Variants in C3orf33 observed in about 807,000 individuals in gnomAD.
The protein encoded by C3orf33 is mitochondrial inner membrane subdomain organizer 1.
Under a neutral mutation model 28.7 loss-of-function variants are expected in C3orf33, and 23 were observed. That is an observed-to-expected ratio of 0.80 (90% confidence interval 0.58 to 1.13). The LOEUF (loss-of-function observed/expected upper bound fraction) is 1.13. Ranked by LOEUF, C3orf33 falls within the 50% of genes most tolerant of loss-of-function variation. The probability of loss-of-function intolerance (pLI) is 0.00; values close to 1 mark genes in which losing one functional copy is unlikely to be tolerated. For missense variants in C3orf33, 327 were observed against 353.4 expected, an observed-to-expected ratio of 0.93 and a Z score of 0.60; for synonymous variants, 119 against 120.5, an observed-to-expected ratio of 0.99 and a Z score of 0.08.
chr3:155,787,166 A>T (rs1476934562), intron 2 of C3orf33, among the ~76,000 whole-genome samples: 1 of 152,108 alleles, frequency 6.6e-6, no homozygotes, highest in Admixed American at 6.6e-5. Flanking sequence ...TTGACGAAGA[A>T]ATTCTCTACT....
In C3orf33 at chr3:155,801,860, C is replaced by T. The variant is rs181625908; in HGVS notation, c.174+672G>A. 5.3e-3 allele frequency among the ~76,000 whole-genome samples: 802 copies of T among 152,254 alleles called. 7 individuals are homozygous for T. The highest frequency in any genetic ancestry group is 0.018 in the African/African-American group (741 of 41,544). On this transcript the variant is annotated intron_variant, in intron 2 of 4. Transcript: ENST00000340171. ...CTGCCTCCCAGGTTCAAGTGATTCT[C>T]GTGCCTCAGCCTCCTGAGTAGCTGG...
chr3:155,778,141 CAAAAA>C (rs55700532), intron 2 of C3orf33, among the ~76,000 whole-genome samples: 1 of 75,788 alleles, frequency 1.3e-5, no homozygotes, highest in Admixed American at 2.0e-4. Flanking sequence ...AACTCCATTT[CAAAAA>C]AAAAAAAAAA....
intron 2 of C3orf33, among the ~76,000 whole-genome samples, chr3:155,790,148 A>T (rs1751266006): frequency 7.7e-6 from 1 of 130,340 alleles, no homozygotes; most frequent in South Asian, 2.9e-4. Flanking sequence ...TGGGTGACAG[A>T]GTGAAACTCT....
Position 155,767,631 on chromosome 3 carries a change from C to T in C3orf33, c.361G>A (p.Val121Ile), listed in dbSNP as rs770312301. The T allele has an allele frequency of 6.3e-7, 1 of 1,580,208 alleles. No individual in the cohort carries two copies. Among genetic ancestry groups the T allele is most frequent in the African/African-American group, 1.3e-5 (1 of 74,268 alleles). The part of the protein sequence containing the change: ...RGALLVKLAG[V>I]ELAETGKAWL... ...GCCTTCCCAGTTTCAGCGAGTTCTA[C>T]TCCAGCCAACTTAACCAGCAAAGCA... The change falls in exon 4 of 5, where the codon GTA (valine) becomes ATA (isoleucine). Residue 121 changes from valine (V) to isoleucine (I), a missense_variant. Coordinates refer to ENST00000340171, the MANE Select transcript of C3orf33 (RefSeq NM_001308229.2).
At chr3:155,777,267 T>C (rs1410168267) in intron 2 of C3orf33, among the ~76,000 whole-genome samples, 2 of 151,280 alleles carry the variant, frequency 1.3e-5, no homozygotes, top group Non-Finnish European at 2.9e-5. Context: ...TGAGCCAAGA[T>C]CGCACCATTG....
intron 2 of C3orf33, among the ~76,000 whole-genome samples, chr3:155,780,012 A>G (rs1004931672): frequency 6.6e-6 from 1 of 152,228 alleles, no homozygotes; most frequent in African/African-American, 2.4e-5. Context: ...AGCAGGGACT[A>G]TTTGGAAGAC....
At chr3:155,780,366 C>T (rs557699229) in intron 2 of C3orf33, among the ~76,000 whole-genome samples, 2 of 152,292 alleles carry the variant, frequency 1.3e-5, no homozygotes, top group South Asian at 2.1e-4. Flanking sequence ...TCCAGCTCTG[C>T]CATTTACTAG....
intron 2 of C3orf33, among the ~76,000 whole-genome samples, chr3:155,783,736 G>C (rs1751014305): frequency 6.6e-6 from 1 of 152,118 alleles, no homozygotes; most frequent in African/African-American, 2.4e-5. Flanking sequence ...CAAAGTGCTA[G>C]CATTACAGGC....
chr3:155,785,268 C>G (rs903805163), intron 2 of C3orf33, among the ~76,000 whole-genome samples: 2 of 152,046 alleles, frequency 1.3e-5, no homozygotes, highest in Admixed American at 6.6e-5. Context: ...ATAACAGAGA[C>G]AACACCCCAC....
At chr3:155,766,220 A>C (rs763135365) in intron 4 of C3orf33, among the ~76,000 whole-genome samples, 2 of 152,216 alleles carry the variant, frequency 1.3e-5, no homozygotes, top group East Asian at 3.9e-4. Context: ...GCTGAATATC[A>C]TAGTATGATC....
chr3:155,803,361 C>T (rs979737425), intron 1 of C3orf33, among the ~76,000 whole-genome samples: 2 of 151,566 alleles, frequency 1.3e-5, no homozygotes, highest in African/African-American at 2.4e-5. Flanking sequence ...GCCAGGAGAT[C>T]GAGACCATCC....
intron 3 of C3orf33, among the ~76,000 whole-genome samples, chr3:155,774,023 CA>C (rs1750666175): frequency 6.6e-6 from 1 of 152,108 alleles, no homozygotes. Flanking sequence ...CATTATTGAA[CA>C]GAGTGATATT....
chr3:155,784,725 C>CA (rs1192957696), intron 2 of C3orf33, among the ~76,000 whole-genome samples: 5 of 143,546 alleles, frequency 3.5e-5, no homozygotes, highest in South Asian at 2.2e-4. Context: ...GACTCTGTCT[C>CA]AAAAAAAATA....
intron 1 of C3orf33, chr3:155,804,076 T>C (rs974325867): frequency 3.3e-6 from 1 of 301,526 alleles, no homozygotes; most frequent in African/African-American, 2.4e-5. Context: ...CTCAGGAGGG[T>C]GAGGCAGGAC....
intron 2 of C3orf33, among the ~76,000 whole-genome samples, chr3:155,785,176 A>G (rs920741476): frequency 1.3e-5 from 2 of 152,148 alleles, no homozygotes; most frequent in African/African-American, 4.8e-5. Context: ...GCAAGAAGCC[A>G]TAATAATTAT....
chr3:155,806,008 G>A, intron 1 of C3orf33, 131 bp downstream of exon 1: 1 of 604,860 alleles, frequency 1.7e-6, no homozygotes, highest in East Asian at 3.2e-5. Context: ...GCCCTCTCGA[G>A]CTCATTCCCC....
Position 155,802,608 on chromosome 3 carries a change from A to C in C3orf33, c.115-17T>G, listed in dbSNP as rs1383860848. ...GCTGATGTTCTACAGAAAGAGATTT[A>C]AGGGTTAACCCTCACTAATTATTAG... On this transcript the variant is annotated splice_polypyrimidine_tract_variant and intron_variant, in intron 1 of 4. Coordinates refer to ENST00000340171, the MANE Select transcript of C3orf33 (RefSeq NM_001308229.2). 1 of 1,581,326 alleles carries C rather than the reference A, an allele frequency of 6.3e-7. No homozygotes were observed. The highest frequency in any genetic ancestry group is 8.6e-7 in the Non-Finnish European group (1 of 1,167,164).
At chr3:155,802,262 A>G (rs1361271602) in intron 2 of C3orf33, among the ~76,000 whole-genome samples, 1 of 152,252 alleles carries the variant, frequency 6.6e-6, no homozygotes, top group Admixed American at 6.5e-5. Flanking sequence ...TGATTATAAC[A>G]TTCTAGCAAA....
At chr3:155,771,313 C>T (rs1159986872) in intron 3 of C3orf33, among the ~76,000 whole-genome samples, 2 of 152,020 alleles carry the variant, frequency 1.3e-5, no homozygotes, top group African/African-American at 2.4e-5. Flanking sequence ...TCAGCTCTCA[C>T]TTCTGTCACC....
Sources: gnomAD v4.1 joint callset for allele counts (sites outside exome capture counted in the v4.1 genomes callset) on GRCh38, gnomAD v4.1.1 for gene constraint, MANE v1.5 for transcripts, NCBI Gene and HGNC (gene_info 2026-07-23, HGNC 2026-07-21) for gene names.